NCKAP5: variants seen among roughly 807,000 people sequenced by gnomAD.
NCKAP5 encodes nck-associated protein 5.
NCKAP5 carries 92 observed loss-of-function variants against 167.0 expected under a neutral mutation model. That is an observed-to-expected ratio of 0.55 (90% confidence interval 0.47 to 0.66). NCKAP5 has a LOEUF of 0.66. Ranked by LOEUF, NCKAP5 falls within the 30% of genes least tolerant of loss-of-function variation. The pLI is 0.00. For missense variants in NCKAP5, 2,378 were observed against 2,315.0 expected (o/e 1.03, Z -0.56); for synonymous variants, 891 against 877.4 (o/e 1.02, Z -0.27).
In NCKAP5 at chr2:132,673,224, T is replaced by A. The variant is rs1239348939; in HGVS notation, c.*65A>T. 10 of 1,476,072 alleles carry A rather than the reference T, an allele frequency of 6.8e-6. No homozygotes were observed. The highest frequency in any genetic ancestry group is 1.4e-5 in the African/African-American group (1 of 69,078). 91.4% of individuals were successfully genotyped at this position (1,476,072 alleles called of 1,614,324 possible). A position where few individuals can be genotyped will look rare whatever the true frequency, so the allele number is the denominator to read the frequency against. On this transcript the variant is annotated 3_prime_UTR_variant, in exon 20 of 20. Coordinates refer to ENST00000409261, the MANE Select transcript of NCKAP5 (RefSeq NM_207363.3). ...TCTAATAAAATCACAGTATTGCTGT[T>A]AAATTTATTGAATGACTCTAGGGAA...
At chr2:133,574,778 G>A in the NCKAP5 span, among the ~76,000 whole-genome samples, 1 of 152,214 alleles carries the variant, frequency 6.6e-6, no homozygotes, top group African/African-American at 2.4e-5. Flanking sequence ...GGAAGAGTGA[G>A]TCAGCCCTAA....
intron 6 of NCKAP5, among the ~76,000 whole-genome samples, chr2:133,088,934 C>T (rs2081082918): frequency 6.6e-6 from 1 of 152,074 alleles, no homozygotes; most frequent in Non-Finnish European, 1.5e-5. Flanking sequence ...TAGAAGCTGA[C>T]ACTAAAATAA....
intron 19 of NCKAP5, among the ~76,000 whole-genome samples, chr2:132,721,642 T>G (rs773541227): frequency 1.3e-5 from 2 of 152,188 alleles, no homozygotes; most frequent in Non-Finnish European, 2.9e-5. Flanking sequence ...TTGCCAACAT[T>G]TAGAAAGTTA....
chr2:133,580,425 A>G, the NCKAP5 span, among the ~76,000 whole-genome samples: 5 of 152,196 alleles, frequency 3.3e-5, no homozygotes. Flanking sequence ...CTAAGGTCAT[A>G]GAAGGGAAAA....
chr2:133,602,459 G>A, the NCKAP5 span, among the ~76,000 whole-genome samples: 1 of 152,106 alleles, frequency 6.6e-6, no homozygotes, highest in Admixed American at 6.5e-5. Context: ...CTAAGGTGCT[G>A]GTCCTTTCTT....
At chr2:133,266,366 G>A (rs889477475) in intron 4 of NCKAP5, 2 of 153,380 alleles carry the variant, frequency 1.3e-5, no homozygotes, top group African/African-American at 2.4e-5. Context: ...AGGGGTCAAG[G>A]AGACCCAGGC....
At chr2:132,926,115 C>T (rs1298465743) in intron 8 of NCKAP5, 2 of 329,158 alleles carry the variant, frequency 6.1e-6, no homozygotes, top group Non-Finnish European at 1.3e-5. Context: ...TTAGTTCCCA[C>T]TTACAAGTGA....
Position 132,945,817 on chromosome 2 carries a change from C to T in NCKAP5, c.579+17903G>A, listed in dbSNP as rs542954317. Among the ~76,000 whole-genome samples, 5 of 152,272 alleles carry T rather than the reference C, an allele frequency of 3.3e-5. No homozygotes were observed. In the South Asian group the frequency reaches 1.0e-3, roughly 32 times the overall value. ...AGATTGAAACCCAGAAGTACATCCCCAAACTTAGTGAGAGGACCAGGAGTT... is the reference window on the plus strand; with the variant it reads ...AGATTGAAACCCAGAAGTACATCCCTAAACTTAGTGAGAGGACCAGGAGTT... On this transcript the variant is annotated intron_variant, in intron 8 of 19. Transcript: ENST00000409261.
In NCKAP5 at chr2:132,927,623, T is replaced by C. The variant is rs118076604; in HGVS notation, c.579+36097A>G. ...TCCCAGGGTTCTTTTGTTTGTTTTG[T>C]TTTTTTGCAGTTCATTTAAATGGGA... On this transcript the variant is annotated intron_variant, in intron 8 of 19. Transcript: ENST00000409261. Among the ~76,000 whole-genome samples, 644 of 152,184 alleles carry C rather than the reference T, an allele frequency of 4.2e-3. 12 individuals are homozygous for C. The East Asian group carries it at 0.046, about 11-fold the overall frequency.
intron 6 of NCKAP5, among the ~76,000 whole-genome samples, chr2:133,014,079 C>T (rs553901101): frequency 1.8e-4 from 27 of 152,312 alleles, no homozygotes; most frequent in African/African-American, 6.5e-4. Flanking sequence ...CACCCAATAG[C>T]AGGTCCATCT....
chr2:133,273,412 G>A (rs567473756), intron 4 of NCKAP5, among the ~76,000 whole-genome samples: 25 of 152,030 alleles, frequency 1.6e-4, no homozygotes, highest in African/African-American at 6.0e-4. Context: ...TGTTGAGTCA[G>A]GGGCTCATTA....
intron 7 of NCKAP5, among the ~76,000 whole-genome samples, chr2:132,983,592 T>G (rs2077201991): frequency 6.6e-6 from 1 of 152,238 alleles, no homozygotes. Context: ...AATTTCCCTT[T>G]CATCAGATTA....
the NCKAP5 span, among the ~76,000 whole-genome samples, chr2:133,583,755 T>C: frequency 2.1e-3 from 322 of 151,610 alleles, 1 homozygote; most frequent in African/African-American, 7.5e-3. Flanking sequence ...ATATAAACCT[T>C]TTTTTTTTCT....
intron 3 of NCKAP5, among the ~76,000 whole-genome samples, chr2:133,308,891 T>A (rs1323507625): frequency 6.7e-6 from 1 of 150,164 alleles, no homozygotes; most frequent in Non-Finnish European, 1.5e-5. Context: ...TTTGTATTTT[T>A]AGTAGAGACG....
chr2:133,086,498 C>G (rs374985472), intron 6 of NCKAP5, among the ~76,000 whole-genome samples: 2 of 151,952 alleles, frequency 1.3e-5, no homozygotes, highest in African/African-American at 4.8e-5. Context: ...AAAAATTAAC[C>G]GGGCATGGTG....
At chr2:132,908,387 G>A (rs1042084133) in intron 8 of NCKAP5, among the ~76,000 whole-genome samples, 5 of 152,072 alleles carry the variant, frequency 3.3e-5, no homozygotes, top group Non-Finnish European at 5.9e-5. Context: ...CTCTTGAAAT[G>A]CAAGTATCCA....
At chr2:132,950,612 T>C (rs1442269763) in intron 8 of NCKAP5, among the ~76,000 whole-genome samples, 1 of 152,234 alleles carries the variant, frequency 6.6e-6, no homozygotes. Flanking sequence ...CTTATTTGTC[T>C]TTCTCTCATA....
At chr2:133,352,881 T>C (rs181916487) in intron 3 of NCKAP5, among the ~76,000 whole-genome samples, 1 of 152,302 alleles carries the variant, frequency 6.6e-6, no homozygotes, top group African/African-American at 2.4e-5. Context: ...TTCCAGAACA[T>C]GTACTGGCTC....
intron 11 of NCKAP5, among the ~76,000 whole-genome samples, chr2:132,816,295 G>C (rs1173040849): frequency 6.6e-6 from 1 of 152,060 alleles, no homozygotes; most frequent in Non-Finnish European, 1.5e-5. Flanking sequence ...AAAGTGCAAA[G>C]TCAATAGCAG....
Sources: allele counts gnomAD v4.1 joint callset (sites outside exome capture counted in the v4.1 genomes callset), GRCh38; gene constraint gnomAD v4.1.1; transcripts MANE v1.5; gene names NCBI Gene and HGNC (gene_info 2026-07-23, HGNC 2026-07-21).